The following HOXC9 variants were observed in gnomAD, a reference collection of about 807,000 sequenced individuals.
HOXC9 encodes the protein homeobox protein Hox-C9.
A neutral mutation model predicts 20.0 loss-of-function variants in HOXC9; 10 were observed. The ratio of observed to expected loss-of-function variants is 0.50; its 90% CI spans 0.31 to 0.85. The LOEUF (loss-of-function observed/expected upper bound fraction) is 0.85, where lower values mean the gene tolerates loss of function less well. HOXC9 is among the 40% of genes least tolerant of loss of function. The probability of loss-of-function intolerance (pLI) is 0.05; values close to 1 mark genes in which losing one functional copy is unlikely to be tolerated. For synonymous variants in HOXC9, 200 were observed against 163.7 expected (o/e 1.22, Z -1.69); for missense variants, 394 against 376.7 (o/e 1.05, Z -0.38).
At chr12:54,000,783 C>CG in intron 1 of HOXC9, 57 bp downstream of exon 1, 1 of 1,284,062 alleles carries the variant, frequency 7.8e-7, no homozygotes, top group Non-Finnish European at 1.0e-6. Context: ...GGAGGACGGG[C>CG]GGGGGCAGCC....
At chr12:54,001,942 G>A (rs957852061) in intron 1 of HOXC9, among the ~76,000 whole-genome samples, 1 of 152,144 alleles carries the variant, frequency 6.6e-6, no homozygotes, top group African/African-American at 2.4e-5. Flanking sequence ...GGATGGTGCT[G>A]CAGAGGGTGG....
In HOXC9 at chr12:54,000,492, G is replaced by A. The variant is rs528734388; in HGVS notation, c.304G>A (p.Gly102Ser). The A allele has an allele frequency of 6.3e-7, 1 of 1,599,536 alleles. No homozygotes were observed. Among genetic ancestry groups the A allele is most frequent in the East Asian group, 2.2e-5 (1 of 44,774 alleles). The change falls in exon 1 of 2, where the codon GGC (glycine) becomes AGC (serine). Residue 102 changes from glycine (G) to serine (S), a missense_variant. Coordinates refer to ENST00000303450, the MANE Select transcript of HOXC9 (RefSeq NM_006897.3). ...YMRTWLEPLSGAVSFPSFPAG... is the reference protein window; with the variant it reads ...YMRTWLEPLSSAVSFPSFPAG... ...GCGGACTTGGCTCGAGCCGCTGTCCGGCGCCGTCTCCTTCCCCAGCTTCCC... is the reference window on the plus strand; with the variant it reads ...GCGGACTTGGCTCGAGCCGCTGTCCAGCGCCGTCTCCTTCCCCAGCTTCCC...
At chr12:54,000,959 G>T (rs1359178820) in intron 1 of HOXC9, among the ~76,000 whole-genome samples, 2 of 152,168 alleles carry the variant, frequency 1.3e-5, no homozygotes, top group Non-Finnish European at 2.9e-5. Flanking sequence ...TCTCTCAGGA[G>T]CTGGCTTTGA....
At chr12:54,001,615 G>A (rs1026502248) in intron 1 of HOXC9, among the ~76,000 whole-genome samples, 77 of 152,194 alleles carry the variant, frequency 5.1e-4, no homozygotes, top group African/African-American at 1.9e-3. Context: ...GTGAGGAAGT[G>A]TCTGGGGGAG....
chr12:54,001,562 AAAG>A (rs1451976092), intron 1 of HOXC9, among the ~76,000 whole-genome samples: 6 of 151,816 alleles, frequency 4.0e-5, no homozygotes, highest in Non-Finnish European at 7.4e-5. Flanking sequence ...GAAAAAGGGG[AAAG>A]AAGGAGAAAC....
Position 54,000,492 on chromosome 12 carries a change from G to C in HOXC9, c.304G>C (p.Gly102Arg), listed in dbSNP as rs528734388. ...GCGGACTTGGCTCGAGCCGCTGTCC[G>C]GCGCCGTCTCCTTCCCCAGCTTCCC... ...YMRTWLEPLSGAVSFPSFPAG... is the reference protein window; with the variant it reads ...YMRTWLEPLSRAVSFPSFPAG... The change falls in exon 1 of 2, where the codon GGC becomes CGC. Residue 102 changes from glycine (G) to arginine (R), a missense_variant. Physicochemically the swap from Gly to Arg is moderately radical, Grantham distance 125. Transcript: ENST00000303450. The C allele has an allele frequency of 1.9e-6, 3 of 1,599,536 alleles. No homozygotes were observed. In the African/African-American group the frequency reaches 4.0e-5, roughly 21 times the overall value.
chr12:54,002,601 A>T lies in HOXC9; in HGVS notation c.710A>T (p.Lys237Ile). Residue 237 changes from lysine (K) to isoleucine (I), a missense_variant, in exon 2 of 2, where the codon AAA (lysine) becomes ATA (isoleucine). By Grantham distance (102) the Lys-to-Ile change is moderately radical (BLOSUM62 -3). Coordinates refer to ENST00000303450, the MANE Select transcript of HOXC9 (RefSeq NM_006897.3). ...CTCAATCTCACCGAGCGGCAGGTCA[A>T]AATCTGGTTTCAGAATCGAAGGATG... is the stretch of plus-strand genomic sequence containing the variant. Reference protein sequence around the residue: ...RVLNLTERQVKIWFQNRRMKM... With the variant: ...RVLNLTERQVIIWFQNRRMKM... 1 of 1,614,200 alleles carries T rather than the reference A, an allele frequency of 6.2e-7. No homozygotes were observed. The highest frequency in any genetic ancestry group is 8.5e-7 in the Non-Finnish European group (1 of 1,180,034).
chr12:54,001,232 G>A (rs1452382219), intron 1 of HOXC9, among the ~76,000 whole-genome samples: 1 of 152,064 alleles, frequency 6.6e-6, no homozygotes, highest in African/African-American at 2.4e-5. Context: ...TCTCCCCCAG[G>A]AGCACTGGGT....
At chr12:54,001,141 A>G (rs1041872820) in intron 1 of HOXC9, among the ~76,000 whole-genome samples, 2 of 152,116 alleles carry the variant, frequency 1.3e-5, no homozygotes, top group Non-Finnish European at 1.5e-5. Context: ...AGATACCCCC[A>G]GCGAGAATGA....
chr12:54,002,786 CA>C lies in HOXC9; in HGVS notation c.*116del. 1 of 1,251,596 alleles carries C rather than the reference CA, an allele frequency of 8.0e-7. No individual in the cohort carries two copies. Among genetic ancestry groups the C allele is most frequent in the Non-Finnish European group, 1.1e-6 (1 of 911,490 alleles). 77.5% of individuals were successfully genotyped at this position (1,251,596 alleles called of 1,614,324 possible). On this transcript the variant is annotated 3_prime_UTR_variant, in exon 2 of 2. Coordinates refer to ENST00000303450, the MANE Select transcript of HOXC9 (RefSeq NM_006897.3). ...AAAGAAAAGGAAAGAGCAAGATAGACAAAAGCCAATCAGCTTAAAAAGAAAA... is the reference window on the plus strand; with the variant it reads ...AAAGAAAAGGAAAGAGCAAGATAGACAAAGCCAATCAGCTTAAAAAGAAAA...
In HOXC9 at chr12:54,002,572, G is replaced by A; in HGVS notation, c.681G>A (p.Arg227=). 1.9e-6 allele frequency: 3 copies of A among 1,614,166 alleles called. No homozygotes were observed. Among genetic ancestry groups the A allele is most frequent in the South Asian group, 1.1e-5 (1 of 91,086 alleles). Residue 227 remains arginine (R), a synonymous_variant, in exon 2 of 2, where the codon CGG becomes CGA. Transcript: ENST00000303450. The stretch of plus-strand genomic sequence containing the variant: ...GGGACCGTCGGTATGAGGTGGCCCG[G>A]GTTCTCAATCTCACCGAGCGGCAGG... ...LTRDRRYEVA[R]VLNLTERQVK...
At chr12:54,000,794 GA>G in intron 1 of HOXC9, 68 bp downstream of exon 1, 2 of 1,354,746 alleles carry the variant, frequency 1.5e-6, no homozygotes, top group Non-Finnish European at 1.9e-6. Flanking sequence ...GGGGGCAGCC[GA>G]ATTACAGCCC....
Position 54,000,664 on chromosome 12 carries a change from C to G in HOXC9, c.476C>G (p.Ser159Trp). ...GACCGCGCCCCGCAGACACTGCCCT[C>G]GCCCGAGGCGGACGCGCTCGCCGGC... The part of the protein sequence containing the change: ...LRDRAPQTLP[S>W]PEADALAGSK... Residue 159 changes from serine (S) to tryptophan (W), a missense_variant, in exon 1 of 2, where the codon TCG (serine) becomes TGG (tryptophan). Ser to Trp is a radical substitution (Grantham distance 177). Transcript: ENST00000303450. The G allele has an allele frequency of 6.4e-7, 1 of 1,560,064 alleles. No homozygotes were observed. Among genetic ancestry groups the G allele is most frequent in the Non-Finnish European group, 8.6e-7 (1 of 1,158,652 alleles).
Position 54,002,579 on chromosome 12 carries a change from A to C in HOXC9, c.688A>C (p.Asn230His), listed in dbSNP as rs747689157. Residue 230 changes from asparagine (N) to histidine (H), a missense_variant, in exon 2 of 2, where the codon AAT becomes CAT. By Grantham distance (68) the Asn-to-His change is moderately conservative. Transcript: ENST00000303450. ...DRRYEVARVL[N>H]LTERQVKIWF... ...TCGGTATGAGGTGGCCCGGGTTCTC[A>C]ATCTCACCGAGCGGCAGGTCAAAAT... is the stretch of plus-strand genomic sequence containing the variant. 3 of 1,614,190 alleles carry C rather than the reference A, an allele frequency of 1.9e-6. No homozygotes were observed. The highest frequency in any genetic ancestry group is 2.5e-6 in the Non-Finnish European group (3 of 1,180,046).
Position 54,000,705 on chromosome 12 carries a change from G to C in HOXC9, c.517G>C (p.Glu173Gln). Residue 173 changes from glutamate to glutamine, a missense_variant, in exon 1 of 2, where the codon GAG (glutamate) becomes CAG (glutamine). By Grantham distance (29) the Glu-to-Gln change is conservative (BLOSUM62 2). Coordinates refer to ENST00000303450, the MANE Select transcript of HOXC9 (RefSeq NM_006897.3). ...DALAGSKHKE[E>Q]KADLDPSNPV... is the part of the protein sequence containing the mutation. ...GCTCGCCGGCAGCAAGCACAAAGAG[G>C]AGAAGGCCGACCTGGACCCCAGTAA... The C allele has an allele frequency of 6.4e-7, 1 of 1,564,076 alleles. No individual in the cohort carries two copies. The highest frequency in any genetic ancestry group is 8.6e-7 in the Non-Finnish European group (1 of 1,161,098).
At position 54,000,291 on chromosome 12, in the gene HOXC9, C is replaced by CCCG. The variant is rs757011183; in HGVS notation, c.112_114dup (p.Ala38dup). The CCCG allele has an allele frequency of 3.7e-6, 6 of 1,614,032 alleles. No individual in the cohort carries two copies. Among genetic ancestry groups the CCCG allele is most frequent in the African/African-American group, 2.7e-5 (2 of 74,952 alleles). ...CAGGTTTCCGGCCACCGGGGCTCAT[C>CCCG]CCGCCGCCGCCAGACCCAGCGGTTT... On this transcript the variant is annotated inframe_insertion, in exon 1 of 2. Coordinates refer to ENST00000303450, the MANE Select transcript of HOXC9 (RefSeq NM_006897.3).
intron 1 of HOXC9, among the ~76,000 whole-genome samples, chr12:54,001,429 T>TACACACACAC (rs56935573): frequency 1.6e-3 from 227 of 146,424 alleles, no homozygotes; most frequent in African/African-American, 4.2e-3. Context: ...TAGAGAATTC[T>TACACACACAC]ACACACACAC....
chr12:54,000,680 G>C lies in HOXC9; in HGVS notation c.492G>C (p.Ala164=), dbSNP rs1462325688. The C allele has an allele frequency of 1.3e-6, 2 of 1,563,278 alleles. No homozygotes were observed. The highest frequency in any genetic ancestry group is 1.2e-5 in the South Asian group (1 of 85,714). The change falls in exon 1 of 2, where the codon GCG becomes GCC. Residue 164 remains alanine, a synonymous_variant. Coordinates refer to ENST00000303450, the MANE Select transcript of HOXC9 (RefSeq NM_006897.3). The part of the protein sequence containing the change: ...PQTLPSPEAD[A]LAGSKHKEEK... ...CACTGCCCTCGCCCGAGGCGGACGC[G>C]CTCGCCGGCAGCAAGCACAAAGAGG...
At chr12:54,000,850 G>A in intron 1 of HOXC9, 124 bp downstream of exon 1, 1 of 897,758 alleles carries the variant, frequency 1.1e-6, no homozygotes, top group Non-Finnish European at 1.6e-6. Flanking sequence ...AGGGGGCGAG[G>A]ACTCAATAAA....
Sources: allele counts gnomAD v4.1 joint callset (sites outside exome capture counted in the v4.1 genomes callset), GRCh38; gene constraint gnomAD v4.1.1; transcripts MANE v1.5; gene names NCBI Gene and HGNC (gene_info 2026-07-23, HGNC 2026-07-21).